Variants in CTNNA2 observed in about 807,000 individuals in gnomAD.
CTNNA2 encodes catenin alpha-2.
Under a neutral mutation model 101.0 loss-of-function variants are expected in CTNNA2, and 42 were observed. The observed-to-expected ratio is 0.42, with a 90% confidence interval of 0.32 to 0.54. The LOEUF is 0.54. CTNNA2 is among the 20% of genes least tolerant of loss of function. The probability of loss-of-function intolerance (pLI) is 0.14; values close to 1 mark genes in which losing one functional copy is unlikely to be tolerated. For missense variants in CTNNA2, 871 were observed against 1,223.1 expected (o/e 0.71, Z 4.29); for synonymous variants, 450 against 456.4 (o/e 0.99, Z 0.18).
chr2:80,083,642 G>T (rs148224791), intron 7 of CTNNA2, among the ~76,000 whole-genome samples: 2 of 152,230 alleles, frequency 1.3e-5, no homozygotes, highest in Admixed American at 1.3e-4. Context: ...TCATTTTTGA[G>T]AACTTTGTCA....
intron 4 of CTNNA2, among the ~76,000 whole-genome samples, chr2:79,376,908 C>T (rs1677984696): frequency 6.6e-6 from 1 of 152,124 alleles, no homozygotes; most frequent in Admixed American, 6.5e-5. Flanking sequence ...GGCTTGGTTC[C>T]AAGTCTTTGC....
chr2:79,877,781 G>C (rs917488976), intron 6 of CTNNA2, among the ~76,000 whole-genome samples: 2 of 152,026 alleles, frequency 1.3e-5, no homozygotes, highest in Non-Finnish European at 2.9e-5. Flanking sequence ...GAAGTAAAAG[G>C]AACCATAAAA....
chr2:80,557,234 T>C (rs1693126167), intron 12 of CTNNA2, among the ~76,000 whole-genome samples: 1 of 152,222 alleles, frequency 6.6e-6, no homozygotes, highest in African/African-American at 2.4e-5. Flanking sequence ...GCATTTGAAT[T>C]AGCTGAGAGT....
At chr2:80,544,547 A>G (rs1691869936) in intron 9 of CTNNA2, among the ~76,000 whole-genome samples, 1 of 152,092 alleles carries the variant, frequency 6.6e-6, no homozygotes, top group African/African-American at 2.4e-5. Flanking sequence ...GGGCACCATA[A>G]TTGTCAGCTT....
chr2:80,218,645 T>C (rs1708408417), intron 7 of CTNNA2, among the ~76,000 whole-genome samples: 1 of 152,200 alleles, frequency 6.6e-6, no homozygotes, highest in South Asian at 2.1e-4. Context: ...AGTAGTCATA[T>C]TGTTTACTCA....
At chr2:79,489,756 A>G (rs925273994) in intron 4 of CTNNA2, among the ~76,000 whole-genome samples, 1 of 152,206 alleles carries the variant, frequency 6.6e-6, no homozygotes, top group African/African-American at 2.4e-5. Flanking sequence ...GTTTATGAAC[A>G]TCTGATGTAG....
At chr2:79,338,168 C>G (rs1033286367) in intron 3 of CTNNA2, among the ~76,000 whole-genome samples, 1 of 145,942 alleles carries the variant, frequency 6.9e-6, no homozygotes, top group Non-Finnish European at 1.5e-5. Context: ...ATCGCTTGAA[C>G]TTGGGAGACG....
At chr2:79,943,352 GGA>G (rs1688288963) in intron 7 of CTNNA2, among the ~76,000 whole-genome samples, 1 of 152,080 alleles carries the variant, frequency 6.6e-6, no homozygotes, top group South Asian at 2.1e-4. Context: ...AGTTACTATT[GGA>G]GACCCAAATA....
chr2:79,678,543 A>C (rs1020269877), intron 2 of CTNNA2, among the ~76,000 whole-genome samples: 4 of 90,264 alleles, frequency 4.4e-5, no homozygotes, highest in Non-Finnish European at 7.6e-5. Context: ...TCAAACAAAC[A>C]AAAAAAAAAA....
chr2:79,278,474 A>AG (rs1267545779), intron 2 of CTNNA2, among the ~76,000 whole-genome samples: 11 of 152,058 alleles, frequency 7.2e-5, no homozygotes, highest in Non-Finnish European at 1.5e-4. Context: ...AGCAAGAGAG[A>AG]GGGCCTACAT....
chr2:79,202,525 G>A (rs936777623), intron 2 of CTNNA2, among the ~76,000 whole-genome samples: 14 of 151,912 alleles, frequency 9.2e-5, no homozygotes, highest in East Asian at 3.9e-4. Flanking sequence ...GAAAGATTGC[G>A]TGAATGCACC....
At chr2:80,352,876 C>T (rs11676266) in intron 7 of CTNNA2, among the ~76,000 whole-genome samples, 23,498 of 151,574 alleles carry the variant, frequency 0.16, 2,304 homozygotes, top group East Asian at 0.36. Flanking sequence ...TGATCCTCCA[C>T]TGTAATTTCC....
chr2:80,371,090 G>T (rs181221719), intron 7 of CTNNA2, among the ~76,000 whole-genome samples: 33 of 152,252 alleles, frequency 2.2e-4, no homozygotes, highest in African/African-American at 5.5e-4. Context: ...TTTCCCTTCA[G>T]GGTTAGGAAG....
chr2:79,241,126 C>G (rs1674620195), intron 2 of CTNNA2, among the ~76,000 whole-genome samples: 1 of 152,148 alleles, frequency 6.6e-6, no homozygotes, highest in Non-Finnish European at 1.5e-5. Flanking sequence ...TCATAGAAAA[C>G]TCAAATTGAT....
At chr2:80,000,283 A>G (rs981441453) in intron 7 of CTNNA2, among the ~76,000 whole-genome samples, 1 of 152,206 alleles carries the variant, frequency 6.6e-6, no homozygotes, top group Admixed American at 6.5e-5. Flanking sequence ...AGACACGACT[A>G]TAACATTGCA....
At chr2:80,592,468 G>A (rs1202909824) in intron 15 of CTNNA2, among the ~76,000 whole-genome samples, 1 of 152,130 alleles carries the variant, frequency 6.6e-6, no homozygotes, top group African/African-American at 2.4e-5. Flanking sequence ...TTTTGTACAT[G>A]TTTAACATCT....
Position 79,215,297 on chromosome 2 carries a change from G to A in CTNNA2, c.-406+17221G>A, listed in dbSNP as rs180981854. ...CTTGTAGCAAGCTCCTGGGAGAGGC[G>A]GGCCTGGAGGAACGCCTGGCCACTG... On this transcript the variant is annotated intron_variant, in intron 2 of 21. Transcript: ENST00000466387. Among the ~76,000 whole-genome samples, 41 of 152,266 alleles carry A rather than the reference G, an allele frequency of 2.7e-4. 1 individual carries two copies. The South Asian group carries it at 5.6e-3, about 21-fold the overall frequency.
At chr2:80,561,827 ATTTTT>A (rs368503035) in intron 12 of CTNNA2, among the ~76,000 whole-genome samples, 7 of 123,576 alleles carry the variant, frequency 5.7e-5, no homozygotes, top group South Asian at 2.7e-4. Context: ...CGCCTGGCTA[ATTTTT>A]TTTTTTTTTT....
intron 17 of CTNNA2, among the ~76,000 whole-genome samples, chr2:80,609,863 G>A (rs569109627): frequency 6.6e-6 from 1 of 151,778 alleles, no homozygotes; most frequent in East Asian, 2.0e-4. Flanking sequence ...CATCCTCTCA[G>A]TACCCATTGT....
Sources: gnomAD v4.1 joint callset for allele counts (sites outside exome capture counted in the v4.1 genomes callset) on GRCh38, gnomAD v4.1.1 for gene constraint, MANE v1.5 for transcripts, NCBI Gene and HGNC (gene_info 2026-07-23, HGNC 2026-07-21) for gene names.